The following ORC3 variants were observed in gnomAD, a reference collection of about 807,000 sequenced individuals.
ORC3 encodes homolog of latheo, Drosophila.
A neutral mutation model predicts 100.7 loss-of-function variants in ORC3; 78 were observed. The ratio of observed to expected loss-of-function variants is 0.77; its 90% confidence interval spans 0.65 to 0.94. The LOEUF is 0.94. Ranked by LOEUF, ORC3 falls within the 40% of genes least tolerant of loss-of-function variation. The pLI is 0.00. For missense variants in ORC3, 789 were observed against 823.9 expected, an observed-to-expected ratio of 0.96 and a Z score of 0.52; for synonymous variants, 295 against 289.3, an observed-to-expected ratio of 1.02 and a Z score of -0.20.
intron 13 of ORC3, 22 bp from the exon 14 acceptor site, chr6:87,653,094 C>T: frequency 6.4e-7 from 1 of 1,550,778 alleles, no homozygotes; most frequent in Non-Finnish European, 8.8e-7. Flanking sequence ...TATTACATTT[C>T]CTGTCACTGA....
intron 1 of ORC3, among the ~76,000 whole-genome samples, chr6:87,591,507 A>G (rs1776953981): frequency 6.6e-6 from 1 of 152,116 alleles, no homozygotes; most frequent in South Asian, 2.1e-4. Flanking sequence ...TACTGGTTTT[A>G]TTTTGTCCTG....
intron 8 of ORC3, among the ~76,000 whole-genome samples, chr6:87,613,272 C>T (rs919578329): frequency 6.6e-6 from 1 of 152,090 alleles, no homozygotes; most frequent in Admixed American, 6.6e-5. Flanking sequence ...CAGGGGAACT[C>T]CTCTTTATAA....
chr6:87,627,340 G>A (rs1335706434), intron 11 of ORC3, among the ~76,000 whole-genome samples: 2 of 129,092 alleles, frequency 1.5e-5, no homozygotes, highest in East Asian at 4.4e-4. Flanking sequence ...CTATCGCCCA[G>A]GCTAGAGTGT....
chr6:87,665,708 G>T (rs1428105505), intron 18 of ORC3, 46 bp from the exon 19 acceptor site: 1 of 1,102,430 alleles, frequency 9.1e-7, no homozygotes, highest in East Asian at 2.4e-5. Flanking sequence ...AAGATGTTTG[G>T]CAACTGTAGA....
intron 11 of ORC3, among the ~76,000 whole-genome samples, chr6:87,626,967 G>T (rs1422466238): frequency 6.6e-6 from 1 of 151,734 alleles, no homozygotes; most frequent in East Asian, 1.9e-4. Context: ...AGATCAATAT[G>T]AACACATTTT....
Position 87,661,831 on chromosome 6 carries a change from TA to T in ORC3, c.1692-1171del, listed in dbSNP as rs537486170. On this transcript the variant is annotated intron_variant, in intron 16 of 19. Transcript: ENST00000392844. ...TAGTGACATTACTCTGTCTATGGGT[TA>T]TGTGTGCCAAAGCTTCTCCCCTCCA... 3.9e-5 allele frequency among the ~76,000 whole-genome samples: 6 copies of T among 152,306 alleles called. No homozygotes were observed. The South Asian group carries it at 1.2e-3, about 32-fold the overall frequency.
chr6:87,675,294 C>G, the ORC3 span: 2 of 412,214 alleles, frequency 4.9e-6, no homozygotes, highest in Admixed American at 3.9e-5. Context: ...CAGTGAAGGG[C>G]ATGTTCTAGA....
At chr6:87,673,333 G>A in the ORC3 span, among the ~76,000 whole-genome samples, 1 of 151,866 alleles carries the variant, frequency 6.6e-6, no homozygotes, top group Non-Finnish European at 1.5e-5. Flanking sequence ...GTTCTTAGCT[G>A]GGAACTGTTT....
Position 87,636,495 on chromosome 6 carries a change from GT to G in ORC3, c.1382+15del. The G allele has an allele frequency of 2.5e-6, 4 of 1,577,390 alleles. No homozygotes were observed. The highest frequency in any genetic ancestry group is 3.5e-6 in the Non-Finnish European group (4 of 1,146,908). On this transcript the variant is annotated intron_variant, in intron 13 of 19. Coordinates refer to ENST00000392844, the MANE Select transcript of ORC3 (RefSeq NM_012381.4). ...GTCTTGCAGCTGCTGAGGTAGTTTT[GT>G]TTTTTCTTGTTTTTCTATTTTTGTC... is the stretch of plus-strand genomic sequence containing the variant.
intron 7 of ORC3, among the ~76,000 whole-genome samples, chr6:87,610,475 C>A (rs1562330890): frequency 6.6e-6 from 1 of 152,244 alleles, no homozygotes; most frequent in South Asian, 2.1e-4. Flanking sequence ...CTCTTTGGGG[C>A]CTCCCAAAGT....
intron 19 of ORC3, among the ~76,000 whole-genome samples, chr6:87,666,122 T>C (rs1770578384): frequency 6.6e-6 from 1 of 152,130 alleles, no homozygotes; most frequent in Non-Finnish European, 1.5e-5. Flanking sequence ...TTTTTGGTTT[T>C]TGTTTTTTTT....
At chr6:87,618,154 T>C (rs1310934237) in intron 9 of ORC3, among the ~76,000 whole-genome samples, 2 of 152,226 alleles carry the variant, frequency 1.3e-5, no homozygotes, top group African/African-American at 4.8e-5. Flanking sequence ...CTCACGCCTA[T>C]AATCCCAGCA....
chr6:87,607,557 A>G lies in ORC3; in HGVS notation c.428-116A>G, dbSNP rs116222818. The G allele has an allele frequency of 2.9e-3, 1,987 of 692,528 alleles. 24 individuals are homozygous for G. The African/African-American group carries it at 0.043, about 15-fold the overall frequency. 42.9% of individuals were successfully genotyped at this position (692,528 alleles called of 1,614,324 possible). A position where few individuals can be genotyped will look rare whatever the true frequency, so the allele number is the denominator to read the frequency against. On this transcript the variant is annotated intron_variant, in intron 5 of 19. Transcript: ENST00000392844. Reference sequence around the variant, plus strand: ...CATTAGCTGTATTGATGGTAAGTATAAAAAAACACATTCTACCAAAAAAAA... The same window carrying G: ...CATTAGCTGTATTGATGGTAAGTATGAAAAAACACATTCTACCAAAAAAAA...
chr6:87,668,168 T>C (rs1279883705), downstream of ORC3, among the ~76,000 whole-genome samples: 1 of 152,136 alleles, frequency 6.6e-6, no homozygotes, highest in Non-Finnish European at 1.5e-5. Context: ...CCCAAGAGAA[T>C]TATGGGACTT....
chr6:87,654,753 G>A (rs57526195), intron 14 of ORC3, among the ~76,000 whole-genome samples: 8,834 of 152,282 alleles, frequency 0.058, 309 homozygotes, highest in African/African-American at 0.099. Context: ...TGGGACTTAT[G>A]GAGATTGCTG....
chr6:87,668,112 C>T (rs1018846286), downstream of ORC3, among the ~76,000 whole-genome samples: 1 of 152,164 alleles, frequency 6.6e-6, no homozygotes, highest in Admixed American at 6.5e-5. Flanking sequence ...CTCAGCAAGA[C>T]ATAATGAAAC....
At chr6:87,597,283 C>G (rs1377432943) in intron 2 of ORC3, among the ~76,000 whole-genome samples, 1 of 152,046 alleles carries the variant, frequency 6.6e-6, no homozygotes, top group Non-Finnish European at 1.5e-5. Context: ...TGACTGCGAC[C>G]TGTCACTTGA....
At chr6:87,592,040 A>G (rs1309494347) in intron 1 of ORC3, among the ~76,000 whole-genome samples, 1 of 152,076 alleles carries the variant, frequency 6.6e-6, no homozygotes, top group East Asian at 1.9e-4. Flanking sequence ...CCTTAAACAT[A>G]TCAAAACATT....
At chr6:87,646,824 A>G (rs1352951905) in intron 13 of ORC3, among the ~76,000 whole-genome samples, 1 of 152,182 alleles carries the variant, frequency 6.6e-6, no homozygotes, top group East Asian at 1.9e-4. Flanking sequence ...TGTTATGTCC[A>G]TTTATGTCCT....
Sources: gnomAD v4.1 joint callset for allele counts (sites outside exome capture counted in the v4.1 genomes callset) on GRCh38, gnomAD v4.1.1 for gene constraint, MANE v1.5 for transcripts, NCBI Gene and HGNC (gene_info 2026-07-23, HGNC 2026-07-21) for gene names.